The following CNTN4 variants were observed in gnomAD, a reference collection of about 807,000 sequenced individuals.
The protein encoded by CNTN4 is contactin-4.
CNTN4 carries 77 observed loss-of-function variants against 122.5 expected under a neutral mutation model. The ratio of observed to expected loss-of-function variants is 0.63; its 90% CI spans 0.52 to 0.76. The LOEUF (loss-of-function observed/expected upper bound fraction) is 0.76. CNTN4 is among the 30% of genes least tolerant of loss of function. The probability of loss-of-function intolerance (pLI) is 0.00; values close to 1 mark genes in which losing one functional copy is unlikely to be tolerated. For missense variants in CNTN4, 1,256 were observed against 1,259.1 expected, an observed-to-expected ratio of 1.00 and a Z score of 0.04; for synonymous variants, 512 against 447.0, an observed-to-expected ratio of 1.15 and a Z score of -1.83.
chr3:2,567,501 T>A (rs919626866), intron 3 of CNTN4, among the ~76,000 whole-genome samples: 7 of 152,184 alleles, frequency 4.6e-5, no homozygotes, highest in Admixed American at 3.3e-4. Context: ...TGCGCTGTGC[T>A]GTCTTTAACA....
At chr3:2,311,196 T>G (rs961210943) in intron 2 of CNTN4, among the ~76,000 whole-genome samples, 13 of 152,122 alleles carry the variant, frequency 8.5e-5, no homozygotes, top group Non-Finnish European at 1.5e-5. Flanking sequence ...CAACCTGTCC[T>G]GCCTAGCAGT....
intron 3 of CNTN4, among the ~76,000 whole-genome samples, chr3:2,390,739 T>C (rs1037614349): frequency 5.3e-5 from 8 of 152,198 alleles, no homozygotes; most frequent in Non-Finnish European, 8.8e-5. Context: ...AAAGCAGTTT[T>C]ACAAAAGAAA....
At chr3:2,605,407 C>T (rs538269240) in intron 4 of CNTN4, among the ~76,000 whole-genome samples, 54 of 152,108 alleles carry the variant, frequency 3.6e-4, no homozygotes, top group African/African-American at 1.3e-3. Context: ...GCAGGGAGAG[C>T]CCTGTAGCAA....
At chr3:2,738,215 C>T (rs2089256931) in intron 5 of CNTN4, among the ~76,000 whole-genome samples, 1 of 152,086 alleles carries the variant, frequency 6.6e-6, no homozygotes, top group Non-Finnish European at 1.5e-5. Flanking sequence ...AATGGTAGAA[C>T]ACCGAGTCAA....
intron 2 of CNTN4, among the ~76,000 whole-genome samples, chr3:2,215,426 T>G (rs1458733153): frequency 6.6e-6 from 1 of 152,022 alleles, no homozygotes; most frequent in Non-Finnish European, 1.5e-5. Flanking sequence ...CAGCAGTGAG[T>G]TTTTCCTGGT....
intron 13 of CNTN4, among the ~76,000 whole-genome samples, chr3:2,984,979 G>A (rs886440168): frequency 2.0e-5 from 3 of 152,168 alleles, no homozygotes; most frequent in Non-Finnish European, 4.4e-5. Flanking sequence ...TCACCACTCT[G>A]TTTTTGTCAG....
At chr3:2,478,484 TA>T (rs2075893847) in intron 3 of CNTN4, among the ~76,000 whole-genome samples, 2 of 125,058 alleles carry the variant, frequency 1.6e-5, no homozygotes, top group South Asian at 6.1e-4. Flanking sequence ...GTTACATAGG[TA>T]AACATGTGCC....
At chr3:2,575,103 A>G (rs1358599332) in intron 4 of CNTN4, among the ~76,000 whole-genome samples, 1 of 152,108 alleles carries the variant, frequency 6.6e-6, no homozygotes, top group Non-Finnish European at 1.5e-5. Flanking sequence ...ACAAACATTT[A>G]AGGTTCTGGA....
At chr3:2,191,601 A>G (rs1649052795) in intron 2 of CNTN4, among the ~76,000 whole-genome samples, 2 of 151,930 alleles carry the variant, frequency 1.3e-5, no homozygotes, top group African/African-American at 2.4e-5. Context: ...TTAGCTAGTC[A>G]TACTGGGCAA....
intron 4 of CNTN4, among the ~76,000 whole-genome samples, chr3:2,599,451 T>C (rs2080926639): frequency 6.6e-6 from 1 of 152,228 alleles, no homozygotes; most frequent in African/African-American, 2.4e-5. Flanking sequence ...TTTATTCTGA[T>C]GCCTTTTTCT....
At chr3:2,823,743 T>A (rs1179640968) in intron 7 of CNTN4, among the ~76,000 whole-genome samples, 1 of 152,140 alleles carries the variant, frequency 6.6e-6, no homozygotes, top group Non-Finnish European at 1.5e-5. Context: ...TTCCTTCCAA[T>A]ATACGAAAAT....
chr3:2,911,287 C>T (rs930272940), intron 12 of CNTN4, among the ~76,000 whole-genome samples: 1 of 152,090 alleles, frequency 6.6e-6, no homozygotes, highest in African/African-American at 2.4e-5. Flanking sequence ...TTAATGCTTC[C>T]TGCAGCACTA....
intron 3 of CNTN4, among the ~76,000 whole-genome samples, chr3:2,398,202 T>A (rs955206985): frequency 2.6e-5 from 4 of 152,118 alleles, no homozygotes; most frequent in Admixed American, 2.6e-4. Flanking sequence ...AACTTTTAAG[T>A]ATGCTTAAAG....
At chr3:2,283,701 TC>T (rs1345721109) in intron 2 of CNTN4, among the ~76,000 whole-genome samples, 2 of 152,244 alleles carry the variant, frequency 1.3e-5, no homozygotes, top group East Asian at 3.9e-4. Context: ...TTAACTTCTT[TC>T]TTCTATCCAG....
intron 3 of CNTN4, among the ~76,000 whole-genome samples, chr3:2,346,712 A>G (rs1337292460): frequency 6.6e-6 from 1 of 152,162 alleles, no homozygotes; most frequent in East Asian, 1.9e-4. Context: ...TCAAATTGAT[A>G]TGCTTATGTA....
chr3:2,776,974 T>A (rs575346823), intron 6 of CNTN4, among the ~76,000 whole-genome samples: 2 of 151,672 alleles, frequency 1.3e-5, no homozygotes, highest in South Asian at 4.2e-4. Flanking sequence ...CATCTTTTTG[T>A]TTTGTTTTGT....
At chr3:2,763,263 A>G (rs1407114282) in intron 6 of CNTN4, among the ~76,000 whole-genome samples, 6 of 152,092 alleles carry the variant, frequency 3.9e-5, no homozygotes, top group Non-Finnish European at 7.4e-5. Context: ...GCTTTTTTAT[A>G]TGACTGTTGG....
At chr3:2,446,616 A>C (rs987425614) in intron 3 of CNTN4, among the ~76,000 whole-genome samples, 1 of 152,148 alleles carries the variant, frequency 6.6e-6, no homozygotes, top group Non-Finnish European at 1.5e-5. Context: ...TGAATTCAGA[A>C]TCTGATTTGG....
At chr3:2,713,376 A>G (rs912042057) in intron 4 of CNTN4, among the ~76,000 whole-genome samples, 2 of 152,208 alleles carry the variant, frequency 1.3e-5, no homozygotes, top group African/African-American at 2.4e-5. Context: ...AAACACAAGG[A>G]AAACTATTTT....
Sources: allele counts gnomAD v4.1 joint callset (sites outside exome capture counted in the v4.1 genomes callset), GRCh38; gene constraint gnomAD v4.1.1; transcripts MANE v1.5; gene names NCBI Gene and HGNC (gene_info 2026-07-23, HGNC 2026-07-21).